Variants in PPIG observed in about 807,000 individuals in gnomAD.
PPIG encodes the protein peptidyl-prolyl cis-trans isomerase G.
PPIG carries 26 observed loss-of-function variants against 87.9 expected under a neutral mutation model. That is an observed-to-expected ratio of 0.30 (90% CI 0.22 to 0.41). PPIG has a LOEUF of 0.41. PPIG is among the 10% of genes least tolerant of loss of function. The pLI, the probability that PPIG is intolerant of heterozygous loss-of-function variation, is 1.00. For synonymous variants in PPIG, 308 were observed against 276.5 expected (o/e 1.11, Z -1.13); for missense variants, 722 against 879.4 (o/e 0.82, Z 2.26).
In PPIG at chr2:169,637,619, T is replaced by C; in HGVS notation, c.*96T>C. On this transcript the variant is annotated 3_prime_UTR_variant, in exon 14 of 14. Transcript: ENST00000260970. ...TTATGTTGTTTTCCTTTTCATTGTTTTTGGATTGTTTTATGTTTGTCCTTT... is the reference window on the plus strand; with the variant it reads ...TTATGTTGTTTTCCTTTTCATTGTTCTTGGATTGTTTTATGTTTGTCCTTT... 1.6e-6 allele frequency: 2 copies of C among 1,279,424 alleles called. No homozygotes were observed. The highest frequency in any genetic ancestry group is 2.1e-6 in the Non-Finnish European group (2 of 951,492). 79.3% of individuals were successfully genotyped at this position (1,279,424 alleles called of 1,614,324 possible).
At chr2:169,594,835 G>A (rs1684976835) in intron 1 of PPIG, among the ~76,000 whole-genome samples, 1 of 151,896 alleles carries the variant, frequency 6.6e-6, no homozygotes, top group Non-Finnish European at 1.5e-5. Context: ...ACCATGTTGG[G>A]CTGGCTAGTC....
intron 9 of PPIG, among the ~76,000 whole-genome samples, chr2:169,624,243 G>T (rs1685827569): frequency 6.6e-6 from 1 of 152,124 alleles, no homozygotes. Flanking sequence ...TGGGATTACA[G>T]ATATGAGCTA....
chr2:169,632,092 A>G (rs1422859087), intron 11 of PPIG, among the ~76,000 whole-genome samples, 159 bp downstream of exon 11: 1 of 152,232 alleles, frequency 6.6e-6, no homozygotes, highest in African/African-American at 2.4e-5. Context: ...TGCCAACCAC[A>G]TAACTAGAAA....
At chr2:169,593,855 C>T (rs754178689) in intron 1 of PPIG, among the ~76,000 whole-genome samples, 31 of 149,390 alleles carry the variant, frequency 2.1e-4, no homozygotes, top group Non-Finnish European at 3.0e-4. Context: ...CGGGGTTTCA[C>T]CATGTTAGCC....
At chr2:169,632,878 A>C (rs996035444) in intron 11 of PPIG, among the ~76,000 whole-genome samples, 4 of 148,098 alleles carry the variant, frequency 2.7e-5, no homozygotes, top group Non-Finnish European at 4.5e-5. Flanking sequence ...AGTGGCTCAC[A>C]CCTATAATCC....
At chr2:169,587,926 C>T (rs1228331599) in intron 1 of PPIG, among the ~76,000 whole-genome samples, 6 of 152,026 alleles carry the variant, frequency 3.9e-5, no homozygotes, top group Non-Finnish European at 8.8e-5. Flanking sequence ...GAGGCCGAGG[C>T]GGGTGGATCA....
chr2:169,620,523 A>C (rs80040850), intron 9 of PPIG, among the ~76,000 whole-genome samples: 1 of 152,000 alleles, frequency 6.6e-6, no homozygotes, highest in Admixed American at 6.6e-5. Context: ...GTAGTTGTCT[A>C]AATAACCTAG....
intron 1 of PPIG, among the ~76,000 whole-genome samples, chr2:169,594,060 A>G (rs1684945804): frequency 6.6e-6 from 1 of 152,150 alleles, no homozygotes; most frequent in African/African-American, 2.4e-5. Context: ...ATATTATGAT[A>G]GGTTGCTTTT....
chr2:169,637,288 G>T lies in PPIG; in HGVS notation c.2030G>T (p.Ser677Ile), dbSNP rs756231534. 5.0e-6 allele frequency: 8 copies of T among 1,604,978 alleles called. No individual in the cohort carries two copies. The South Asian group carries it at 9.0e-5, about 18-fold the overall frequency. ...KSRDHNSSNNSREKKADRDQS... is the reference protein window; with the variant it reads ...KSRDHNSSNNIREKKADRDQS... ...CGTGATCATAATAGCTCAAATAACA[G>T]CAGGGAAAAAAAGGCTGATAGAGAT... The change falls in exon 14 of 14, where the codon AGC becomes ATC. Residue 677 changes from serine to isoleucine, a missense_variant. Coordinates refer to ENST00000260970, the MANE Select transcript of PPIG (RefSeq NM_004792.3).
intron 1 of PPIG, among the ~76,000 whole-genome samples, chr2:169,592,303 C>CCTT (rs1553543292): frequency 1.1e-5 from 1 of 93,568 alleles, no homozygotes; most frequent in Non-Finnish European, 1.9e-5. Flanking sequence ...TGTCTTTTTT[C>CCTT]TTTTTTTTTT....
chr2:169,619,861 G>A (rs1348464722), intron 9 of PPIG, among the ~76,000 whole-genome samples: 1 of 151,886 alleles, frequency 6.6e-6, no homozygotes, highest in Admixed American at 6.6e-5. Flanking sequence ...CCATATACCT[G>A]TTGGCCATTT....
At chr2:169,602,446 G>T (rs1685211134) in intron 1 of PPIG, among the ~76,000 whole-genome samples, 2 of 152,148 alleles carry the variant, frequency 1.3e-5, no homozygotes, top group African/African-American at 4.8e-5. Flanking sequence ...CTCCTGAGTA[G>T]CTGGGATTAC....
intron 1 of PPIG, among the ~76,000 whole-genome samples, chr2:169,586,287 C>CTCCTGCTGTCAGGAGTGT (rs1684703487): frequency 6.6e-6 from 1 of 152,196 alleles, no homozygotes; most frequent in Non-Finnish European, 1.5e-5. Context: ...GTCAGGAGTG[C>CTCCTGCTGTCAGGAGTGT]TCCTGCTGTC....
intron 1 of PPIG, among the ~76,000 whole-genome samples, chr2:169,597,390 C>T (rs1310947616): frequency 6.6e-6 from 1 of 152,102 alleles, no homozygotes; most frequent in Non-Finnish European, 1.5e-5. Flanking sequence ...AAATCCTCGG[C>T]TGAAAGAGTC....
rs191170943 is a variant in PPIG at position 169,632,071 on chromosome 2, A to G, written c.929+138A>G. 1.2e-5 allele frequency: 15 copies of G among 1,210,666 alleles called. No homozygotes were observed. In the East Asian group the frequency reaches 3.0e-4, roughly 24 times the overall value. 75.0% of individuals were successfully genotyped at this position (1,210,666 alleles called of 1,614,324 possible). A position where few individuals can be genotyped will look rare whatever the true frequency, so the allele number is the denominator to read the frequency against. On this transcript the variant is annotated intron_variant, in intron 11 of 13. Transcript: ENST00000260970. ...CTTTTTTATAAAATGTTCTTCCGCA[A>G]AGTTCTTTTTTGCCAACCACATAAC...
intron 1 of PPIG, among the ~76,000 whole-genome samples, chr2:169,588,612 T>G (rs1034208929): frequency 6.6e-6 from 1 of 152,162 alleles, no homozygotes; most frequent in South Asian, 2.1e-4. Flanking sequence ...CTTTGAAAAC[T>G]GGGGGTAAAT....
chr2:169,613,060 T>C (rs1185634420), intron 7 of PPIG, among the ~76,000 whole-genome samples: 1 of 152,238 alleles, frequency 6.6e-6, no homozygotes, highest in Non-Finnish European at 1.5e-5. Context: ...GCTGTAATTT[T>C]TTAATTTTGG....
At chr2:169,587,246 T>C (rs1684728605) in intron 1 of PPIG, among the ~76,000 whole-genome samples, 2 of 148,670 alleles carry the variant, frequency 1.3e-5, no homozygotes, top group South Asian at 4.3e-4. Flanking sequence ...AGCCTGACTT[T>C]TGCTTTTTTT....
intron 1 of PPIG, among the ~76,000 whole-genome samples, chr2:169,597,502 C>CTTTTT (rs55683230): frequency 7.6e-6 from 1 of 132,342 alleles, no homozygotes; most frequent in African/African-American, 2.8e-5. Flanking sequence ...CTTTTCTTTT[C>CTTTTT]TTTTTTTTTT....
Sources: gnomAD v4.1 joint callset for allele counts (sites outside exome capture counted in the v4.1 genomes callset) on GRCh38, gnomAD v4.1.1 for gene constraint, MANE v1.5 for transcripts, NCBI Gene and HGNC (gene_info 2026-07-23, HGNC 2026-07-21) for gene names.